Variants in PIK3C3 observed in about 807,000 individuals in gnomAD.
PIK3C3 encodes PI3-kinase type 3.
A neutral mutation model predicts 126.1 loss-of-function variants in PIK3C3; 95 were observed. That is an observed-to-expected ratio of 0.75 (90% CI 0.64 to 0.89). The LOEUF is 0.89. Among genes scored for constraint, PIK3C3 ranks in the 40% least tolerant of loss-of-function variants. PIK3C3 has a pLI of 0.00. For missense variants in PIK3C3, 829 were observed against 1,063.2 expected (o/e 0.78, Z 3.06); for synonymous variants, 374 against 360.0 (o/e 1.04, Z -0.44).
chr18:41,996,176 T>C (rs984916363), intron 8 of PIK3C3, among the ~76,000 whole-genome samples, 182 bp downstream of exon 8: 3 of 152,182 alleles, frequency 2.0e-5, no homozygotes, highest in Non-Finnish European at 4.4e-5. Context: ...TTTCCATAAA[T>C]GTGTTATCTC....
At chr18:42,048,634 C>T (rs1407338026) in intron 20 of PIK3C3, among the ~76,000 whole-genome samples, 1 of 152,022 alleles carries the variant, frequency 6.6e-6, no homozygotes, top group Non-Finnish European at 1.5e-5. Flanking sequence ...ACTATTTTTC[C>T]AATAATTATG....
intron 16 of PIK3C3, among the ~76,000 whole-genome samples, chr18:42,036,600 T>A (rs1183934748): frequency 2.6e-5 from 4 of 152,074 alleles, no homozygotes; most frequent in African/African-American, 9.7e-5. Flanking sequence ...TGAGGTTTTA[T>A]GATTCCCCCT....
intron 13 of PIK3C3, among the ~76,000 whole-genome samples, chr18:42,023,988 TAC>T (rs1163485089): frequency 6.6e-6 from 1 of 152,214 alleles, no homozygotes; most frequent in African/African-American, 2.4e-5. Flanking sequence ...AGAGGGGCGT[TAC>T]AGTCTCCAGT....
chr18:41,972,731 G>T (rs1980730579), intron 4 of PIK3C3, among the ~76,000 whole-genome samples: 1 of 152,068 alleles, frequency 6.6e-6, no homozygotes, highest in South Asian at 2.1e-4. Flanking sequence ...CCTGTTTGTA[G>T]CTTTGTTAAG....
chr18:42,022,012 T>C (rs766870851), intron 13 of PIK3C3, among the ~76,000 whole-genome samples: 10 of 152,196 alleles, frequency 6.6e-5, no homozygotes, highest in Non-Finnish European at 1.3e-4. Flanking sequence ...TAAGACTGAT[T>C]TGGGAAGCTG....
chr18:41,964,306 G>GTA (rs1980247018), intron 3 of PIK3C3, among the ~76,000 whole-genome samples: 2 of 152,110 alleles, frequency 1.3e-5, no homozygotes, highest in South Asian at 4.1e-4. Context: ...GCATTATAGT[G>GTA]TATAGTGCTA....
In PIK3C3 at chr18:42,084,585, C is replaced by CAAAAAAAAAAAAAAAAAAAAAAA; in HGVS notation, c.*3469_*3470insAAAAAAAAAAAAAAAAAAAAAAA. 1.0e-5 allele frequency: 1 copy of CAAAAAAAAAAAAAAAAAAAAAAA among 96,724 alleles called. No homozygotes were observed. The highest frequency in any genetic ancestry group is 2.1e-5 in the Non-Finnish European group (1 of 48,564). The allele number at this position is 96,724 out of a possible 1,614,324, so 6.0% of individuals were successfully genotyped here. On this transcript the variant is annotated 3_prime_UTR_variant, in exon 25 of 25. Coordinates refer to ENST00000262039, the MANE Select transcript of PIK3C3 (RefSeq NM_002647.4). ...TAGTATAGAGTAGCTAAAAACAAACCAAAAAAAAAAAAAAAAAAAAAGGAA... is the reference window on the plus strand; with the variant it reads ...TAGTATAGAGTAGCTAAAAACAAACCAAAAAAAAAAAAAAAAAAAAAAAAAAAAAAAAAAAAAAAAAAAAGGAA...
chr18:42,044,911 T>C (rs980512852), intron 20 of PIK3C3, among the ~76,000 whole-genome samples: 1 of 152,216 alleles, frequency 6.6e-6, no homozygotes, highest in Non-Finnish European at 1.5e-5. Flanking sequence ...AAGAGGGCTT[T>C]CTAGTTAGTT....
intron 4 of PIK3C3, among the ~76,000 whole-genome samples, chr18:41,975,201 A>G (rs1172748825): frequency 6.6e-6 from 1 of 152,148 alleles, no homozygotes; most frequent in Non-Finnish European, 1.5e-5. Flanking sequence ...TAGGAGCTGG[A>G]TTTTTTAAGT....
intron 22 of PIK3C3, among the ~76,000 whole-genome samples, chr18:42,060,619 A>G (rs1399797175): frequency 3.9e-5 from 6 of 152,074 alleles, no homozygotes; most frequent in Admixed American, 3.9e-4. Flanking sequence ...AAAAAAGAAA[A>G]TACAAAAATT....
At chr18:41,962,163 A>G (rs1248294735) in intron 2 of PIK3C3, among the ~76,000 whole-genome samples, 3 of 152,118 alleles carry the variant, frequency 2.0e-5, no homozygotes, top group African/African-American at 4.8e-5. Flanking sequence ...AAAGAAAATC[A>G]TGGTTTGTTT....
intron 21 of PIK3C3, 52 bp downstream of exon 21, chr18:42,049,657 T>TA: frequency 7.5e-7 from 1 of 1,332,238 alleles, no homozygotes; most frequent in Non-Finnish European, 1.1e-6. Context: ...CCATGGTTTT[T>TA]ACCCCTGAAT....
intron 13 of PIK3C3, chr18:42,025,440 G>C (rs1376051700): frequency 6.6e-6 from 1 of 152,158 alleles, no homozygotes; most frequent in African/African-American, 2.4e-5. Flanking sequence ...GAAAGTTTGA[G>C]GTAGTGCTAT....
chr18:42,045,251 A>G (rs1984509960), intron 20 of PIK3C3, among the ~76,000 whole-genome samples: 1 of 152,192 alleles, frequency 6.6e-6, no homozygotes, highest in Non-Finnish European at 1.5e-5. Flanking sequence ...AGACTTAAAA[A>G]CACTGAAGAT....
intron 4 of PIK3C3, among the ~76,000 whole-genome samples, chr18:41,986,911 G>A (rs369497554): frequency 6.6e-6 from 1 of 152,182 alleles, no homozygotes; most frequent in East Asian, 1.9e-4. Flanking sequence ...ACATAGTTGT[G>A]ATGAGTTGAG....
At chr18:42,010,330 A>G (rs1982764451) in intron 10 of PIK3C3, among the ~76,000 whole-genome samples, 1 of 151,916 alleles carries the variant, frequency 6.6e-6, no homozygotes, top group Admixed American at 6.6e-5. Context: ...TTTTTTTGCT[A>G]TTTCCGTGAC....
At chr18:41,975,224 T>C (rs1251565185) in intron 4 of PIK3C3, among the ~76,000 whole-genome samples, 1 of 152,216 alleles carries the variant, frequency 6.6e-6, no homozygotes, top group Non-Finnish European at 1.5e-5. Context: ...ATTTAGTTAT[T>C]GTTTCTTGAG....
rs114269577 is a variant in PIK3C3 at position 42,013,008 on chromosome 18, C to T, written c.1171-434C>T. Among the ~76,000 whole-genome samples, 226 of 151,702 alleles carry T rather than the reference C, an allele frequency of 1.5e-3. 1 individual carries two copies. Among genetic ancestry groups the T allele is most frequent in the African/African-American group, 5.1e-3 (211 of 41,396 alleles). On this transcript the variant is annotated intron_variant, in intron 10 of 24. Transcript: ENST00000262039. ...TTGAAAACTTGAAAATTTGGAATTT[C>T]TTGTGTAATATTAAACATAGAATGC...
intron 20 of PIK3C3, chr18:42,049,278 C>T (rs187379952): frequency 4.2e-4 from 140 of 335,168 alleles, no homozygotes; most frequent in African/African-American, 2.6e-3. Flanking sequence ...TTAAGGTCTC[C>T]TGAACCTAAC....
Sources: gnomAD v4.1 joint callset for allele counts (sites outside exome capture counted in the v4.1 genomes callset) on GRCh38, gnomAD v4.1.1 for gene constraint, MANE v1.5 for transcripts, NCBI Gene and HGNC (gene_info 2026-07-23, HGNC 2026-07-21) for gene names.